The following LPP variants were observed in gnomAD, a reference collection of about 807,000 sequenced individuals.
The protein encoded by LPP is lipoma-preferred partner.
A neutral mutation model predicts 60.4 loss-of-function variants in LPP; 38 were observed. The observed-to-expected ratio is 0.63, with a 90% CI of 0.49 to 0.83. LPP has a LOEUF of 0.83. LPP is among the 40% of genes least tolerant of loss of function. The pLI, the probability that LPP is intolerant of heterozygous loss-of-function variation, is 0.00. For missense variants in LPP, 902 were observed against 783.6 expected (o/e 1.15, Z -1.80); for synonymous variants, 328 against 290.8 (o/e 1.13, Z -1.30).
At chr3:188,843,784 C>G (rs1050964054) in intron 9 of LPP, among the ~76,000 whole-genome samples, 2 of 31,876 alleles carry the variant, frequency 6.3e-5, no homozygotes, top group East Asian at 0.014. Context: ...AAGACTCCGT[C>G]TCAAAAAAAA....
intron 9 of LPP, among the ~76,000 whole-genome samples, chr3:188,772,830 G>T (rs1736520498): frequency 6.6e-6 from 1 of 152,070 alleles, no homozygotes; most frequent in Non-Finnish European, 1.5e-5. Flanking sequence ...GGGGGAGCCT[G>T]TGTCACTCTA....
intron 9 of LPP, among the ~76,000 whole-genome samples, chr3:188,786,474 G>A (rs1262120850): frequency 3.3e-5 from 5 of 150,188 alleles, no homozygotes; most frequent in African/African-American, 9.8e-5. Context: ...TTTTGCTGAT[G>A]AGAATATAAG....
chr3:188,396,063 T>C (rs1340013421), intron 3 of LPP, among the ~76,000 whole-genome samples: 4 of 152,212 alleles, frequency 2.6e-5, no homozygotes, highest in Admixed American at 1.3e-4. Flanking sequence ...AACAATATGA[T>C]GTTCAAAAGG....
At chr3:188,593,331 TCA>T (rs914051831) in intron 6 of LPP, among the ~76,000 whole-genome samples, 1 of 151,834 alleles carries the variant, frequency 6.6e-6, no homozygotes, top group Admixed American at 6.6e-5. Context: ...TCTCTCCCTC[TCA>T]CACACACACA....
chr3:188,391,205 G>T (rs1282012536), intron 3 of LPP, among the ~76,000 whole-genome samples: 1 of 152,196 alleles, frequency 6.6e-6, no homozygotes, highest in Non-Finnish European at 1.5e-5. Context: ...TGATAGAGCT[G>T]AGGCTAGCGT....
intron 2 of LPP, among the ~76,000 whole-genome samples, chr3:188,258,376 G>T (rs887003616): frequency 6.6e-6 from 1 of 152,188 alleles, no homozygotes; most frequent in East Asian, 1.9e-4. Flanking sequence ...AGGCTGGAAT[G>T]CAGTGGCATG....
chr3:188,673,978 C>G (rs2149287291), intron 7 of LPP, among the ~76,000 whole-genome samples: 1 of 150,514 alleles, frequency 6.6e-6, no homozygotes, highest in South Asian at 2.1e-4. Context: ...TCATTTGCAT[C>G]TTACTCCTTT....
intron 4 of LPP, among the ~76,000 whole-genome samples, chr3:188,416,861 C>T (rs1306822124): frequency 1.3e-5 from 2 of 152,116 alleles, no homozygotes; most frequent in African/African-American, 4.8e-5. Context: ...AAATCTCAGC[C>T]AATTTTGGGT....
At chr3:188,580,805 T>C (rs1325087524) in intron 6 of LPP, among the ~76,000 whole-genome samples, 1 of 152,136 alleles carries the variant, frequency 6.6e-6, no homozygotes, top group Non-Finnish European at 1.5e-5. Flanking sequence ...TTGCATGATT[T>C]TGTGGGCTGG....
chr3:188,391,558 T>A (rs956112924), intron 3 of LPP, among the ~76,000 whole-genome samples: 1 of 152,120 alleles, frequency 6.6e-6, no homozygotes, highest in Non-Finnish European at 1.5e-5. Flanking sequence ...TAATACAGGG[T>A]GTTTCACAGA....
At chr3:188,174,593 T>C (rs1277236617) in intron 1 of LPP, among the ~76,000 whole-genome samples, 1 of 152,276 alleles carries the variant, frequency 6.6e-6, no homozygotes, top group Non-Finnish European at 1.5e-5. Flanking sequence ...AGCTGAACCC[T>C]GGAGACATAA....
At chr3:188,398,566 T>A (rs921103760) in intron 3 of LPP, among the ~76,000 whole-genome samples, 1 of 152,216 alleles carries the variant, frequency 6.6e-6, no homozygotes, top group Admixed American at 6.5e-5. Flanking sequence ...AGTGAATACA[T>A]TGACATTTTC....
intron 6 of LPP, among the ~76,000 whole-genome samples, chr3:188,604,333 A>T (rs967180636): frequency 6.6e-6 from 1 of 152,124 alleles, no homozygotes; most frequent in Non-Finnish European, 1.5e-5. Flanking sequence ...CATGTTGTTA[A>T]ATACTATTTT....
At chr3:188,627,542 CA>C (rs578174948) in intron 7 of LPP, among the ~76,000 whole-genome samples, 2 of 151,590 alleles carry the variant, frequency 1.3e-5, no homozygotes, top group Non-Finnish European at 2.9e-5. Flanking sequence ...TTCAAAAGGA[CA>C]AAAAAAGGGC....
At chr3:188,727,749 G>A (rs919660334) in intron 8 of LPP, among the ~76,000 whole-genome samples, 7 of 152,096 alleles carry the variant, frequency 4.6e-5, no homozygotes, top group East Asian at 1.9e-4. Flanking sequence ...GCTCACAACA[G>A]GTAAGCATTC....
At chr3:188,641,583 C>T (rs1048882263) in intron 7 of LPP, among the ~76,000 whole-genome samples, 7 of 152,176 alleles carry the variant, frequency 4.6e-5, no homozygotes, top group Admixed American at 3.3e-4. Context: ...GTGGTCTAAT[C>T]GGAGCAGCAG....
At chr3:188,550,002 A>G (rs1223373562) in intron 6 of LPP, among the ~76,000 whole-genome samples, 1 of 152,158 alleles carries the variant, frequency 6.6e-6, no homozygotes, top group Admixed American at 6.5e-5. Flanking sequence ...AGCAATTTGC[A>G]CACTTGTCAT....
At chr3:188,798,837 C>T (rs1746169904) in intron 9 of LPP, among the ~76,000 whole-genome samples, 1 of 152,184 alleles carries the variant, frequency 6.6e-6, no homozygotes, top group Non-Finnish European at 1.5e-5. Flanking sequence ...GTCTGTGAAG[C>T]GTCTGTTTAG....
intron 1 of LPP, among the ~76,000 whole-genome samples, chr3:188,195,957 T>A (rs1729418303): frequency 6.6e-6 from 1 of 152,212 alleles, no homozygotes; most frequent in Non-Finnish European, 1.5e-5. Flanking sequence ...TTTATATTTG[T>A]CTCTACTGCC....
Sources: gnomAD v4.1 joint callset for allele counts (sites outside exome capture counted in the v4.1 genomes callset) on GRCh38, gnomAD v4.1.1 for gene constraint, MANE v1.5 for transcripts, NCBI Gene and HGNC (gene_info 2026-07-23, HGNC 2026-07-21) for gene names.